Variants in PRKN observed in about 807,000 individuals in gnomAD.
PRKN encodes the protein E3 ubiquitin-protein ligase parkin.
A neutral mutation model predicts 59.5 loss-of-function variants in PRKN; 56 were observed. The observed-to-expected ratio is 0.94, with a 90% confidence interval of 0.76 to 1.18. The LOEUF (loss-of-function observed/expected upper bound fraction) is 1.18, where lower values mean the gene tolerates loss of function less well. PRKN is among the 50% of genes most tolerant of loss of function. PRKN has a pLI of 0.00. For missense variants in PRKN, 657 were observed against 596.4 expected (o/e 1.10, Z -1.06); for synonymous variants, 250 against 222.1 (o/e 1.13, Z -1.12).
chr6:161,390,546 T>A lies in PRKN; in HGVS notation c.1084-3669A>T, dbSNP rs903407494. ...CTCTGTTGCCCAGGCTGGAGTGCAGTGGCACCATCTCGGCTCACTGCAACC... is the reference window on the plus strand; with the variant it reads ...CTCTGTTGCCCAGGCTGGAGTGCAGAGGCACCATCTCGGCTCACTGCAACC... On this transcript the variant is annotated intron_variant, in intron 9 of 11. Transcript: ENST00000366898. The surrounding 1 kb of genome is among the most constrained non-coding windows in gnomAD (Gnocchi z 7.0). Among the ~76,000 whole-genome samples, 2 of 152,218 alleles carry A rather than the reference T, an allele frequency of 1.3e-5. No homozygotes were observed. Among genetic ancestry groups the A allele is most frequent in the Non-Finnish European group, 2.9e-5 (2 of 68,042 alleles).
intron 2 of PRKN, among the ~76,000 whole-genome samples, chr6:162,372,185 G>T (rs1740537636): frequency 6.6e-6 from 1 of 152,214 alleles, no homozygotes; most frequent in Non-Finnish European, 1.5e-5. Flanking sequence ...AAGGATTACA[G>T]ATTCCATGTC....
chr6:162,335,396 G>C (rs1783796620), intron 2 of PRKN, among the ~76,000 whole-genome samples: 1 of 152,056 alleles, frequency 6.6e-6, no homozygotes, highest in Admixed American at 6.6e-5. Flanking sequence ...CTACATTACA[G>C]TGTAAACATA....
chr6:161,386,900 T>C lies in PRKN; in HGVS notation c.1084-23A>G. The C allele has an allele frequency of 6.3e-7, 1 of 1,591,452 alleles. No homozygotes were observed. The highest frequency in any genetic ancestry group is 8.6e-7 in the Non-Finnish European group (1 of 1,159,266). On this transcript the variant is annotated intron_variant, in intron 9 of 11. Coordinates refer to ENST00000366898, the MANE Select transcript of PRKN (RefSeq NM_004562.3). This position sits in a 1 kb window ranked among gnomAD's most constrained non-coding sequence, Gnocchi z 4.3. ...AAACTGCAAAAGAACACACATCCAT[T>C]AATTAGGGACATTAGGTTGCATTTG...
intron 1 of PRKN, among the ~76,000 whole-genome samples, chr6:162,647,949 C>CAAAAAAAAAAAAAAAAAA (rs398003250): frequency 4.0e-5 from 3 of 75,650 alleles, no homozygotes; most frequent in African/African-American, 5.6e-5. Context: ...GTCCACAGTG[C>CAAAAAAAAAAAAAAAAAA]AAAAAAAAAA....
At chr6:162,180,903 G>C (rs971405937) in intron 4 of PRKN, among the ~76,000 whole-genome samples, 1 of 152,198 alleles carries the variant, frequency 6.6e-6, no homozygotes, top group African/African-American at 2.4e-5. Context: ...AGCTAGACCA[G>C]AGATGGTAGA....
chr6:162,185,009 T>C (rs756744026), intron 4 of PRKN, among the ~76,000 whole-genome samples: 2 of 152,196 alleles, frequency 1.3e-5, no homozygotes, highest in Non-Finnish European at 2.9e-5. Context: ...CTGTTCTGAC[T>C]AATCTTAACA....
intron 2 of PRKN, among the ~76,000 whole-genome samples, chr6:162,322,141 T>C (rs182743049): frequency 2.6e-5 from 4 of 152,122 alleles, no homozygotes; most frequent in Non-Finnish European, 5.9e-5. Context: ...TTAACAATTA[T>C]CTCGGTTATA....
At chr6:162,273,478 G>A (rs1320833779) in intron 2 of PRKN, among the ~76,000 whole-genome samples, 1 of 152,064 alleles carries the variant, frequency 6.6e-6, no homozygotes, top group Non-Finnish European at 1.5e-5. Context: ...ATATCCTTTA[G>A]TACAAAAAAA....
At chr6:162,014,078 C>A (rs1782838866) in intron 5 of PRKN, among the ~76,000 whole-genome samples, 1 of 152,050 alleles carries the variant, frequency 6.6e-6, no homozygotes, top group Admixed American at 6.6e-5. Context: ...GCACTGCTAC[C>A]CCCTCGTACC....
At chr6:162,483,750 G>A (rs890344590) in intron 1 of PRKN, among the ~76,000 whole-genome samples, 1 of 152,168 alleles carries the variant, frequency 6.6e-6, no homozygotes, top group Non-Finnish European at 1.5e-5. Flanking sequence ...CAAGCCCTCT[G>A]ATCCAGCAAT....
At chr6:162,087,884 G>A (rs938737653) in intron 4 of PRKN, among the ~76,000 whole-genome samples, 7 of 152,066 alleles carry the variant, frequency 4.6e-5, no homozygotes, top group Admixed American at 1.3e-4. Context: ...GAGTCACTGC[G>A]CCCGGCCAAT....
At position 161,391,574 on chromosome 6, in the gene PRKN, C is replaced by A. The variant is rs1786506003; in HGVS notation, c.1084-4697G>T. On this transcript the variant is annotated intron_variant, in intron 9 of 11. Transcript: ENST00000366898. This position sits in a 1 kb window ranked among gnomAD's most constrained non-coding sequence, Gnocchi z 4.9. ...AAACACATGGACTGTATTATAGTCC[C>A]TGTGACGAGAGTTTATGTATTAACT... Among the ~76,000 whole-genome samples the A allele has an allele frequency of 6.6e-6, 1 of 151,954 alleles. No homozygotes were observed. Among genetic ancestry groups the A allele is most frequent in the Admixed American group, 6.6e-5 (1 of 15,262 alleles).
rs777577245 is a variant in PRKN, at chr6:162,164,399, G to A, written c.534+36732C>T. On this transcript the variant is annotated intron_variant, in intron 4 of 11. Coordinates refer to ENST00000366898, the MANE Select transcript of PRKN (RefSeq NM_004562.3). The stretch of plus-strand genomic sequence containing the variant: ...AATTTTTTTGTATTTTAGTAGTGAC[G>A]GTGTGTTTCACCATGTTGCCCAGGT... Among the ~76,000 whole-genome samples the A allele has an allele frequency of 1.6e-4, 23 of 147,988 alleles. 1 individual carries two copies. The highest frequency in any genetic ancestry group is 5.8e-4 in the East Asian group (3 of 5,142).
chr6:162,297,189 T>G (rs1221939808), intron 2 of PRKN, among the ~76,000 whole-genome samples: 8 of 151,420 alleles, frequency 5.3e-5, no homozygotes, highest in African/African-American at 1.9e-4. Context: ...TTTTTTTTTT[T>G]GTAAGCATCT....
chr6:162,620,775 A>G (rs184120902), intron 1 of PRKN, among the ~76,000 whole-genome samples: 109 of 152,288 alleles, frequency 7.2e-4, no homozygotes, highest in African/African-American at 2.2e-3. Context: ...GCTGGCCTCC[A>G]ACTCCTGGCA....
intron 1 of PRKN, chr6:162,727,121 G>C (rs1779261024): frequency 6.6e-6 from 1 of 152,648 alleles, no homozygotes; most frequent in Non-Finnish European, 1.5e-5. Flanking sequence ...AACATCCGAG[G>C]GAGCAAGTTT....
At chr6:162,254,896 G>A (rs1779581900) in intron 3 of PRKN, among the ~76,000 whole-genome samples, 1 of 151,904 alleles carries the variant, frequency 6.6e-6, no homozygotes. Context: ...AAATACATAT[G>A]CCATACATCA....
At chr6:162,018,092 T>C (rs1178512669) in intron 5 of PRKN, among the ~76,000 whole-genome samples, 1 of 152,184 alleles carries the variant, frequency 6.6e-6, no homozygotes, top group Non-Finnish European at 1.5e-5. Context: ...AGTGACATGA[T>C]CTCCGCTCAC....
intron 2 of PRKN, among the ~76,000 whole-genome samples, chr6:162,347,918 G>A (rs996753939): frequency 3.9e-5 from 6 of 152,158 alleles, no homozygotes; most frequent in Non-Finnish European, 8.8e-5. Context: ...TTACTGCCTT[G>A]AGAGCGTTTC....
Sources: gnomAD v4.1 joint callset for allele counts (sites outside exome capture counted in the v4.1 genomes callset) on GRCh38, gnomAD v4.1.1 for gene constraint, Gnocchi (gnomAD v3.1) non-coding constraint, MANE v1.5 for transcripts, NCBI Gene and HGNC (gene_info 2026-07-23, HGNC 2026-07-21) for gene names.